PCNX2: variants seen among roughly 807,000 people sequenced by gnomAD.
PCNX2 encodes the protein pecanex-like protein 2.
A neutral mutation model predicts 223.8 loss-of-function variants in PCNX2; 168 were observed. That is an observed-to-expected ratio of 0.75 (90% CI 0.66 to 0.85). The LOEUF is 0.85. Among genes scored for constraint, PCNX2 ranks in the 40% least tolerant of loss-of-function variants. PCNX2 has a pLI of 0.00. For synonymous variants in PCNX2, 1,006 were observed against 1,052.6 expected (o/e 0.96, Z 0.86); for missense variants, 2,507 against 2,675.5 (o/e 0.94, Z 1.39).
intron 23 of PCNX2, among the ~76,000 whole-genome samples, chr1:233,081,656 T>A (rs748871663): frequency 6.6e-6 from 1 of 152,238 alleles, no homozygotes; most frequent in East Asian, 1.9e-4. Flanking sequence ...TCCATTCTTT[T>A]GAGCTATAAA....
chr1:233,115,051 C>A (rs543093630), intron 21 of PCNX2, among the ~76,000 whole-genome samples: 1 of 152,076 alleles, frequency 6.6e-6, no homozygotes, highest in Non-Finnish European at 1.5e-5. Flanking sequence ...GAAAGAACTT[C>A]CTTCCCTACC....
intron 17 of PCNX2, among the ~76,000 whole-genome samples, chr1:233,167,422 G>A (rs983182023): frequency 6.6e-6 from 1 of 152,082 alleles, no homozygotes; most frequent in Non-Finnish European, 1.5e-5. Flanking sequence ...AGGTAGAGAT[G>A]GGGATATGTG....
chr1:233,096,212 T>C (rs1221678770), intron 21 of PCNX2, among the ~76,000 whole-genome samples: 1 of 152,232 alleles, frequency 6.6e-6, no homozygotes, highest in African/African-American at 2.4e-5. Flanking sequence ...AAACCTATCA[T>C]CATTTGACAT....
At chr1:233,300,225 C>A (rs1050760444), upstream of PCNX2, among the ~76,000 whole-genome samples, 1 of 152,176 alleles carries the variant, frequency 6.6e-6, no homozygotes, top group African/African-American at 2.4e-5. Flanking sequence ...ATACATCCTT[C>A]CTTTATTAAG....
intron 15 of PCNX2, among the ~76,000 whole-genome samples, chr1:233,194,541 T>TA (rs1314502816): frequency 6.6e-6 from 1 of 152,144 alleles, no homozygotes; most frequent in Non-Finnish European, 1.5e-5. Flanking sequence ...ATTGACCACT[T>TA]AGAGTATAAA....
chr1:233,074,294 C>T (rs1167257375), intron 23 of PCNX2, among the ~76,000 whole-genome samples: 1 of 152,144 alleles, frequency 6.6e-6, no homozygotes, highest in African/African-American at 2.4e-5. Context: ...CTTTGCAAAA[C>T]ATTTTGTTAA....
At chr1:233,232,038 T>C (rs1435279520) in intron 9 of PCNX2, among the ~76,000 whole-genome samples, 2 of 152,180 alleles carry the variant, frequency 1.3e-5, no homozygotes, top group Non-Finnish European at 2.9e-5. Flanking sequence ...GTTCAAAACA[T>C]ACAAGTGGAA....
chr1:233,181,687 GAGA>G (rs138235923), intron 15 of PCNX2, among the ~76,000 whole-genome samples: 2,199 of 152,242 alleles, frequency 0.014, 59 homozygotes, highest in African/African-American at 0.049. Flanking sequence ...GTGCAGGAAG[GAGA>G]AGGTTTGTTG....
intron 25 of PCNX2, among the ~76,000 whole-genome samples, chr1:233,048,754 A>G (rs1160520409): frequency 6.6e-6 from 1 of 152,190 alleles, no homozygotes; most frequent in Non-Finnish European, 1.5e-5. Context: ...TTGATAGACC[A>G]CTAACTAGAA....
intron 28 of PCNX2, among the ~76,000 whole-genome samples, 167 bp downstream of exon 28, chr1:233,014,498 C>CA (rs1036478261): frequency 5.3e-5 from 8 of 151,722 alleles, no homozygotes; most frequent in Middle Eastern, 3.4e-3. Flanking sequence ...GAGCAGTGAT[C>CA]AAAAAAAATG....
In PCNX2 at chr1:233,154,414, G is replaced by C. The variant is rs184033295; in HGVS notation, c.3517+5869C>G. Among the ~76,000 whole-genome samples the C allele has an allele frequency of 4.6e-5, 7 of 152,242 alleles. No individual in the cohort carries two copies. The East Asian group carries it at 1.4e-3, about 29-fold the overall frequency. Reference sequence around the variant, plus strand: ...TATAATGTATATTATCCTTTTAAATGTATTCTAATGCATCCAAAAAGTATA... The same window carrying C: ...TATAATGTATATTATCCTTTTAAATCTATTCTAATGCATCCAAAAAGTATA... On this transcript the variant is annotated intron_variant, in intron 19 of 33. Coordinates refer to ENST00000258229, the MANE Select transcript of PCNX2 (RefSeq NM_014801.4).
chr1:233,166,654 C>G (rs866996857), intron 17 of PCNX2, among the ~76,000 whole-genome samples: 1 of 152,116 alleles, frequency 6.6e-6, no homozygotes, highest in Non-Finnish European at 1.5e-5. Context: ...GTTAATGAAA[C>G]TAGACTGCTC....
chr1:233,100,373 G>A (rs990524950), intron 21 of PCNX2, among the ~76,000 whole-genome samples: 5 of 144,914 alleles, frequency 3.5e-5, no homozygotes, highest in Admixed American at 7.1e-5. Context: ...AGCTGAGATC[G>A]TGCCACTGCA....
intron 26 of PCNX2, 107 bp downstream of exon 26, chr1:233,025,039 A>G: frequency 6.9e-7 from 1 of 1,441,770 alleles, no homozygotes; most frequent in South Asian, 1.4e-5. Context: ...CCAATTCGGA[A>G]GCTGAGGATG....
intron 23 of PCNX2, among the ~76,000 whole-genome samples, chr1:233,066,678 C>T (rs1672623625): frequency 6.6e-6 from 1 of 152,200 alleles, no homozygotes; most frequent in South Asian, 2.1e-4. Flanking sequence ...GTAGCGCAAA[C>T]CAAGCACGGC....
chr1:233,184,328 C>T (rs964173704), intron 15 of PCNX2, among the ~76,000 whole-genome samples: 4 of 151,880 alleles, frequency 2.6e-5, no homozygotes, highest in African/African-American at 4.8e-5. Flanking sequence ...CTTAATTTCT[C>T]GGTGGTTCAG....
rs115568114 is a variant in PCNX2, at chr1:233,286,028, A to G, written c.153+9298T>C. 6.4e-3 allele frequency among the ~76,000 whole-genome samples: 977 copies of G among 152,350 alleles called. 13 individuals carry two copies. The highest frequency in any genetic ancestry group is 0.022 in the African/African-American group (921 of 41,578). On this transcript the variant is annotated intron_variant, in intron 1 of 33. Transcript: ENST00000258229. ...TGACCAAGGAACCAAGGTAGGATGG[A>G]TAAGAGATTCCAATGCAAATTTCTG...
chr1:233,076,533 T>C (rs1465783908), intron 23 of PCNX2, among the ~76,000 whole-genome samples: 1 of 152,206 alleles, frequency 6.6e-6, no homozygotes, highest in Non-Finnish European at 1.5e-5. Flanking sequence ...AGTTTTCTAG[T>C]TGAGGGATTT....
intron 17 of PCNX2, among the ~76,000 whole-genome samples, chr1:233,166,687 A>G (rs1437038017): frequency 6.6e-6 from 1 of 152,208 alleles, no homozygotes; most frequent in Admixed American, 6.5e-5. Flanking sequence ...TGAAAATACC[A>G]TCAGCAAAAT....
Sources: allele counts gnomAD v4.1 joint callset (sites outside exome capture counted in the v4.1 genomes callset), GRCh38; gene constraint gnomAD v4.1.1; transcripts MANE v1.5; gene names NCBI Gene and HGNC (gene_info 2026-07-23, HGNC 2026-07-21).